Variants in PSD2 observed in about 807,000 individuals in gnomAD.
The protein encoded by PSD2 is PH and SEC7 domain-containing protein 2.
A neutral mutation model predicts 69.8 loss-of-function variants in PSD2; 38 were observed. The ratio of observed to expected loss-of-function variants is 0.54; its 90% CI spans 0.42 to 0.71. The LOEUF (loss-of-function observed/expected upper bound fraction) is 0.71. Ranked by LOEUF, PSD2 falls within the 30% of genes least tolerant of loss-of-function variation. The probability of loss-of-function intolerance (pLI) is 0.00; values close to 1 mark genes in which losing one functional copy is unlikely to be tolerated. For synonymous variants in PSD2, 412 were observed against 423.0 expected (o/e 0.97, Z 0.32); for missense variants, 943 against 1,014.5 (o/e 0.93, Z 0.96).
chr5:139,771,937 G>A, the PSD2 span, among the ~76,000 whole-genome samples: 2 of 152,186 alleles, frequency 1.3e-5, no homozygotes, highest in African/African-American at 4.8e-5. Flanking sequence ...CCTCAGAAAC[G>A]GTGTTGCGGG....
At chr5:139,817,433 C>T (rs753143508) in intron 4 of PSD2, 48 bp from the exon 5 acceptor site, 4 of 1,547,834 alleles carry the variant, frequency 2.6e-6, no homozygotes, top group African/African-American at 2.7e-5. Flanking sequence ...TTCTGTCATC[C>T]TTGGGCTGGA....
rs909949659 is a variant in PSD2, at chr5:139,801,582, AG to A, written c.-51+5609del. Among the ~76,000 whole-genome samples, 8 of 151,584 alleles carry A rather than the reference AG, an allele frequency of 5.3e-5. No homozygotes were observed. In the East Asian group the frequency reaches 1.4e-3, roughly 26 times the overall value. On this transcript the variant is annotated intron_variant, in intron 1 of 14. Coordinates refer to ENST00000274710, the MANE Select transcript of PSD2 (RefSeq NM_032289.4). ...GGGTGCCCCAGCACTTGCCCTGCACAGGCTCTCTCCCCCATCTCCACTCCTC... is the reference window on the plus strand; with the variant it reads ...GGGTGCCCCAGCACTTGCCCTGCACAGCTCTCTCCCCCATCTCCACTCCTC...
chr5:139,771,273 C>T, the PSD2 span, among the ~76,000 whole-genome samples: 2 of 152,240 alleles, frequency 1.3e-5, no homozygotes, highest in Non-Finnish European at 2.9e-5. Context: ...CCCGGGGCTG[C>T]CCCACCCCTG....
rs774296518 is a variant in PSD2 at position 139,813,544 on chromosome 5, A to T, written c.607A>T (p.Met203Leu). Residue 203 changes from methionine to leucine, a missense_variant, in exon 3 of 15, where the codon ATG becomes TTG. This residue lies in a region of PSD2 where 466 missense variants were observed against 445.0 expected (regional missense o/e 1.05). Coordinates refer to ENST00000274710, the MANE Select transcript of PSD2 (RefSeq NM_032289.4). Reference sequence around the variant, plus strand: ...AGGGGCTGGGTTGGGCATTGGGGACATGGCGTTTGAGGGGGACATGGGGGC... The same window carrying T: ...AGGGGCTGGGTTGGGCATTGGGGACTTGGCGTTTGAGGGGGACATGGGGGC... ...EPGAGLGIGD[M>L]AFEGDMGAAG... The T allele has an allele frequency of 3.7e-5, 60 of 1,610,230 alleles. No homozygotes were observed. Among genetic ancestry groups the T allele is most frequent in the Non-Finnish European group, 4.8e-5 (56 of 1,177,032 alleles).
chr5:139,752,222 TCTCA>T, the PSD2 span, among the ~76,000 whole-genome samples: 1 of 151,828 alleles, frequency 6.6e-6, no homozygotes, highest in African/African-American at 2.4e-5. Flanking sequence ...TTCCTCTGGC[TCTCA>T]CTCTCTCTCT....
the PSD2 span, among the ~76,000 whole-genome samples, chr5:139,743,163 G>C: frequency 4.6e-5 from 7 of 152,182 alleles, no homozygotes; most frequent in African/African-American, 1.7e-4. Context: ...AAGAGGTGAG[G>C]ACTGTTCTCT....
intron 7 of PSD2, among the ~76,000 whole-genome samples, chr5:139,826,570 A>G (rs1760426094): frequency 6.6e-6 from 1 of 152,128 alleles, no homozygotes; most frequent in South Asian, 2.1e-4. Context: ...GATGGCTTCT[A>G]CTTCTACCAC....
the PSD2 span, among the ~76,000 whole-genome samples, chr5:139,780,658 G>C: frequency 2.0e-5 from 3 of 152,152 alleles, no homozygotes; most frequent in African/African-American, 7.2e-5. Context: ...TGGCCAGACT[G>C]GTCTTGAACT....
chr5:139,806,661 A>G (rs1346241546), intron 1 of PSD2, among the ~76,000 whole-genome samples: 1 of 152,198 alleles, frequency 6.6e-6, no homozygotes, highest in Non-Finnish European at 1.5e-5. Context: ...CCCACTCTGT[A>G]GATGGGCTCA....
chr5:139,803,074 C>A (rs1011973062), intron 1 of PSD2, among the ~76,000 whole-genome samples: 1 of 152,212 alleles, frequency 6.6e-6, no homozygotes, highest in African/African-American at 2.4e-5. Context: ...TTAAAGAGGG[C>A]GTAGGTTCTT....
intron 2 of PSD2, among the ~76,000 whole-genome samples, chr5:139,812,782 G>C (rs966815327): frequency 2.0e-5 from 3 of 152,226 alleles, no homozygotes; most frequent in African/African-American, 7.2e-5. Flanking sequence ...GACACTGGTT[G>C]TGATAAGATG....
intron 1 of PSD2, among the ~76,000 whole-genome samples, chr5:139,808,888 G>A (rs1047463906): frequency 2.0e-5 from 3 of 152,226 alleles, no homozygotes; most frequent in Non-Finnish European, 2.9e-5. Context: ...ACTCCTCCTT[G>A]AAGATAGCCT....
intron 7 of PSD2, among the ~76,000 whole-genome samples, chr5:139,830,568 T>TAC (rs55770348): frequency 7.6e-6 from 1 of 130,830 alleles, no homozygotes; most frequent in African/African-American, 3.4e-5. Context: ...CTTCCTTCCT[T>TAC]TCTTTCTTTC....
the PSD2 span, among the ~76,000 whole-genome samples, chr5:139,788,077 G>A: frequency 6.6e-6 from 1 of 152,326 alleles, no homozygotes; most frequent in East Asian, 1.9e-4. Context: ...GCGGGGCTGC[G>A]CTTCGCGGAA....
intron 1 of PSD2, among the ~76,000 whole-genome samples, chr5:139,806,486 G>C (rs555176584): frequency 6.6e-6 from 1 of 152,366 alleles, no homozygotes; most frequent in African/African-American, 2.4e-5. Flanking sequence ...TGGGTTCTGT[G>C]CCTCAGCCTT....
chr5:139,791,632 C>CA (rs1240852080), upstream of PSD2, among the ~76,000 whole-genome samples: 390 of 146,756 alleles, frequency 2.7e-3, 1 homozygote, highest in African/African-American at 7.9e-3. Context: ...AAACAAAAAA[C>CA]AAAAAAAAAA....
chr5:139,824,428 A>C (rs1581728659), intron 7 of PSD2, among the ~76,000 whole-genome samples: 2 of 117,448 alleles, frequency 1.7e-5, no homozygotes, highest in Non-Finnish European at 3.3e-5. Flanking sequence ...ACGGAGTCTC[A>C]CTCTGTCGCC....
At position 139,814,610 on chromosome 5, in the gene PSD2, C is replaced by T. The variant is rs1021904698; in HGVS notation, c.1016+246C>T. On this transcript the variant is annotated intron_variant, in intron 4 of 14. Coordinates refer to ENST00000274710, the MANE Select transcript of PSD2 (RefSeq NM_032289.4). The surrounding 1 kb of genome is among the most constrained non-coding windows in gnomAD (Gnocchi z 4.4). Reference sequence around the variant, plus strand: ...GGTGGTGGCGGGCAGCCCCTCAGGGCTGGGGGTGCGGGATGTGGGATGTGG... The same window carrying T: ...GGTGGTGGCGGGCAGCCCCTCAGGGTTGGGGGTGCGGGATGTGGGATGTGG... Among the ~76,000 whole-genome samples the T allele has an allele frequency of 2.0e-5, 3 of 152,018 alleles. No homozygotes were observed. The highest frequency in any genetic ancestry group is 7.2e-5 in the African/African-American group (3 of 41,394).
chr5:139,761,789 A>C, the PSD2 span, among the ~76,000 whole-genome samples: 1 of 152,010 alleles, frequency 6.6e-6, no homozygotes, highest in Non-Finnish European at 1.5e-5. Flanking sequence ...ACCAGTGGGG[A>C]CACTGTTGAC....
Sources: allele counts gnomAD v4.1 joint callset (sites outside exome capture counted in the v4.1 genomes callset), GRCh38; gene constraint gnomAD v4.1.1; regional missense constraint gnomAD v4.1.1; non-coding constraint Gnocchi (gnomAD v3.1); transcripts MANE v1.5; gene names NCBI Gene and HGNC (gene_info 2026-07-23, HGNC 2026-07-21).